The following RASEF variants were observed in gnomAD, a reference collection of about 807,000 sequenced individuals.
The protein encoded by RASEF is RAS and EF-hand domain containing.
A neutral mutation model predicts 90.1 loss-of-function variants in RASEF; 68 were observed. The observed-to-expected ratio is 0.75, with a 90% CI of 0.62 to 0.92. The LOEUF (loss-of-function observed/expected upper bound fraction) is 0.92, where lower values mean the gene tolerates loss of function less well. Ranked by LOEUF, RASEF falls within the 40% of genes least tolerant of loss-of-function variation. The probability of loss-of-function intolerance (pLI) is 0.00; values close to 1 mark genes in which losing one functional copy is unlikely to be tolerated. For missense variants in RASEF, 949 were observed against 937.2 expected (o/e 1.01, Z -0.16); for synonymous variants, 331 against 345.2 (o/e 0.96, Z 0.46).
rs1828602521 is a variant in RASEF, at chr9:82,981,619, C to G, written c.*1058G>C. 1 of 152,154 alleles carries G rather than the reference C, an allele frequency of 6.6e-6. No homozygotes were observed. The highest frequency in any genetic ancestry group is 1.5e-5 in the Non-Finnish European group (1 of 68,028). The allele number at this position is 152,154 out of a possible 1,614,324, so 9.4% of individuals were successfully genotyped here. A position where few individuals can be genotyped will look rare whatever the true frequency, so the allele number is the denominator to read the frequency against. On this transcript the variant is annotated 3_prime_UTR_variant, in exon 17 of 17. Coordinates refer to ENST00000376447, the MANE Select transcript of RASEF (RefSeq NM_152573.4). ...GCATTTTTTTTAGTGAGATAATTCA[C>G]AACCATAAAATTCACCCTTTCAAAG...
At chr9:83,012,201 C>A (rs1410048340) in intron 5 of RASEF, among the ~76,000 whole-genome samples, 1 of 152,082 alleles carries the variant, frequency 6.6e-6, no homozygotes, top group Non-Finnish European at 1.5e-5. Context: ...AATGTAAGCA[C>A]TAGGTCTTTA....
At chr9:83,048,383 ATC>A (rs780172991) in intron 1 of RASEF, 1 of 985,412 alleles carries the variant, frequency 1.0e-6, no homozygotes, top group Non-Finnish European at 1.2e-6. Flanking sequence ...GACCCAGGCC[ATC>A]TACCTCGTGA....
chr9:83,055,612 C>G (rs1181649350), intron 1 of RASEF: 1 of 717,984 alleles, frequency 1.4e-6, no homozygotes, highest in Non-Finnish European at 2.6e-6. Context: ...CTTTTTAGCC[C>G]ATGACAATGC....
At chr9:83,038,244 G>A (rs1196120644) in intron 1 of RASEF, among the ~76,000 whole-genome samples, 1 of 151,916 alleles carries the variant, frequency 6.6e-6, no homozygotes, top group African/African-American at 2.4e-5. Flanking sequence ...TGACAATCGT[G>A]GACTGAATTA....
At chr9:83,130,041 C>G in the RASEF span, among the ~76,000 whole-genome samples, 1 of 152,150 alleles carries the variant, frequency 6.6e-6, no homozygotes. Flanking sequence ...TATTTTGGCT[C>G]AGAAAAGTCA....
the RASEF span, among the ~76,000 whole-genome samples, chr9:83,075,975 C>T: frequency 1.3e-5 from 2 of 152,054 alleles, no homozygotes; most frequent in South Asian, 4.1e-4. Context: ...TGAGACCAGC[C>T]TGGCCACCAC....
the RASEF span, among the ~76,000 whole-genome samples, chr9:83,077,547 T>C: frequency 0.29 from 44,308 of 151,858 alleles, 7,214 homozygotes; most frequent in East Asian, 0.68. Context: ...TTGAAGACAT[T>C]TGATATAATG....
upstream of RASEF, among the ~76,000 whole-genome samples, chr9:83,067,811 C>T (rs944034316): frequency 6.6e-6 from 1 of 152,190 alleles, no homozygotes; most frequent in Admixed American, 6.5e-5. Context: ...CCCACATTAG[C>T]AAACTGTATG....
chr9:83,068,704 G>A, the RASEF span, among the ~76,000 whole-genome samples: 1,072 of 152,314 alleles, frequency 7.0e-3, 11 homozygotes, highest in African/African-American at 0.024. Context: ...CAGAACCACA[G>A]AACTGAGATG....
At chr9:83,189,495 A>G in the RASEF span, among the ~76,000 whole-genome samples, 2 of 152,190 alleles carry the variant, frequency 1.3e-5, no homozygotes, top group African/African-American at 2.4e-5. Flanking sequence ...CTCATTTTAG[A>G]GATCTCTCAT....
At chr9:83,160,387 T>C in the RASEF span, among the ~76,000 whole-genome samples, 5 of 152,318 alleles carry the variant, frequency 3.3e-5, no homozygotes, top group Non-Finnish European at 5.9e-5. Context: ...ACTCTAGTTA[T>C]GTTTTAGCAG....
At chr9:83,147,346 T>A in the RASEF span, among the ~76,000 whole-genome samples, 4 of 152,280 alleles carry the variant, frequency 2.6e-5, no homozygotes, top group Non-Finnish European at 5.9e-5. Flanking sequence ...CTGCAATAAA[T>A]CTTGTGGCTA....
intron 12 of RASEF, 99 bp from the exon 13 acceptor site, chr9:82,998,545 A>C (rs1306769777): frequency 2.7e-6 from 2 of 753,218 alleles, no homozygotes; most frequent in East Asian, 5.0e-5. Context: ...AATAATACAC[A>C]GCTCAGCCAG....
the RASEF span, among the ~76,000 whole-genome samples, chr9:83,083,093 T>A: frequency 6.6e-6 from 1 of 152,166 alleles, no homozygotes; most frequent in Non-Finnish European, 1.5e-5. Flanking sequence ...CTAATATATA[T>A]GTAGTACCAC....
At chr9:83,197,118 T>C in the RASEF span, among the ~76,000 whole-genome samples, 1 of 152,244 alleles carries the variant, frequency 6.6e-6, no homozygotes, top group Non-Finnish European at 1.5e-5. Context: ...AGAACAGTCC[T>C]TGATCACAGG....
chr9:83,209,818 T>G, the RASEF span, among the ~76,000 whole-genome samples: 1 of 152,216 alleles, frequency 6.6e-6, no homozygotes, highest in Admixed American at 6.5e-5. Context: ...ATGGTCCATG[T>G]TGGCCTAGAC....
At chr9:83,160,755 C>T in the RASEF span, among the ~76,000 whole-genome samples, 1 of 152,142 alleles carries the variant, frequency 6.6e-6, no homozygotes, top group African/African-American at 2.4e-5. Context: ...GGCCCAGAGG[C>T]CTAGGAAAAA....
At chr9:83,198,407 TC>T in the RASEF span, among the ~76,000 whole-genome samples, 30,677 of 152,064 alleles carry the variant, frequency 0.2, 3,189 homozygotes, top group Admixed American at 0.25. Flanking sequence ...GAAACCTCTT[TC>T]CTTATACATA....
chr9:83,012,129 T>C (rs1829257669), intron 5 of RASEF, among the ~76,000 whole-genome samples: 1 of 151,550 alleles, frequency 6.6e-6, no homozygotes, highest in Admixed American at 6.6e-5. Context: ...TCCTCATCAC[T>C]AAGCCAGGAA....
Sources: gnomAD v4.1 joint callset for allele counts (sites outside exome capture counted in the v4.1 genomes callset) on GRCh38, gnomAD v4.1.1 for gene constraint, MANE v1.5 for transcripts, NCBI Gene and HGNC (gene_info 2026-07-23, HGNC 2026-07-21) for gene names.